The following NCAPG2 variants were observed in gnomAD, a reference collection of about 807,000 sequenced individuals.
The protein encoded by NCAPG2 is non-SMC condensin II complex subunit G2.
In NCAPG2, 53 loss-of-function variants were observed where a neutral mutation model predicts 141.1. The ratio of observed to expected loss-of-function variants is 0.38; its 90% CI spans 0.30 to 0.47. NCAPG2 has a LOEUF of 0.47. NCAPG2 is among the 20% of genes least tolerant of loss of function. The pLI, the probability that NCAPG2 is intolerant of heterozygous loss-of-function variation, is 0.99. For synonymous variants in NCAPG2, 499 were observed against 490.7 expected, an observed-to-expected ratio of 1.02 and a Z score of -0.22; for missense variants, 1,087 against 1,389.0, an observed-to-expected ratio of 0.78 and a Z score of 3.46.
intron 21 of NCAPG2, 148 bp downstream of exon 21, chr7:158,654,970 A>G: frequency 8.2e-7 from 1 of 1,217,028 alleles, no homozygotes; most frequent in South Asian, 1.6e-5. Context: ...CTTTGCAAAA[A>G]GATAAACTAG....
intron 22 of NCAPG2, among the ~76,000 whole-genome samples, chr7:158,653,481 G>A (rs1831654001): frequency 1.3e-5 from 2 of 151,966 alleles, no homozygotes; most frequent in African/African-American, 4.8e-5. Flanking sequence ...AACAAATGAT[G>A]GATGATTTTG....
At chr7:158,667,392 GGGTCCCTCCGCCCT>G in intron 13 of NCAPG2, among the ~76,000 whole-genome samples, 1 of 55,938 alleles carries the variant, frequency 1.8e-5, no homozygotes, top group African/African-American at 5.9e-5. Flanking sequence ...ACCCACTACT[GGGTCCCTCCGCCCT>G]CCTTACCCAC....
chr7:158,660,333 T>TA (rs1832382711), intron 16 of NCAPG2, among the ~76,000 whole-genome samples: 1 of 151,250 alleles, frequency 6.6e-6, no homozygotes, highest in Non-Finnish European at 1.5e-5. Flanking sequence ...CCTGGTGTCC[T>TA]ATATGGGCTT....
chr7:158,641,896 G>A (rs1039378180), intron 27 of NCAPG2, among the ~76,000 whole-genome samples: 35 of 152,130 alleles, frequency 2.3e-4, no homozygotes, highest in African/African-American at 8.5e-4. Flanking sequence ...ATTGTCAATT[G>A]GATATAATGG....
At chr7:158,695,774 A>G (rs1484486252) in intron 2 of NCAPG2, among the ~76,000 whole-genome samples, 1 of 152,262 alleles carries the variant, frequency 6.6e-6, no homozygotes, top group African/African-American at 2.4e-5. Flanking sequence ...GGGCAACACA[A>G]AAGCCCAGCA....
chr7:158,665,504 C>G (rs556487926), intron 13 of NCAPG2: 1 of 152,214 alleles, frequency 6.6e-6, no homozygotes, highest in African/African-American at 2.4e-5. Context: ...GCATGGTGAG[C>G]GAAACCCTCG....
chr7:158,664,933 A>G (rs1202062170), intron 13 of NCAPG2, 183 bp from the exon 14 acceptor site: 4 of 579,454 alleles, frequency 6.9e-6, no homozygotes, highest in Non-Finnish European at 1.2e-5. Flanking sequence ...TAATAAATCT[A>G]TATTTTTAAA....
chr7:158,651,280 T>C (rs189297749), intron 23 of NCAPG2, among the ~76,000 whole-genome samples: 82 of 152,196 alleles, frequency 5.4e-4, no homozygotes, highest in African/African-American at 2.0e-3. Flanking sequence ...ATCAATACAT[T>C]AAAATAAGGC....
intron 6 of NCAPG2, 117 bp from the exon 7 acceptor site, chr7:158,687,559 A>G: frequency 2.8e-6 from 2 of 720,366 alleles, no homozygotes; most frequent in Non-Finnish European, 4.5e-6. Flanking sequence ...AACGAGGCAC[A>G]TGTAATTATC....
At position 158,656,666 on chromosome 7, in the gene NCAPG2, G is replaced by C; in HGVS notation, c.2100C>G (p.Gly700=). The C allele has an allele frequency of 2.5e-6, 4 of 1,614,064 alleles. No homozygotes were observed. Among genetic ancestry groups the C allele is most frequent in the Non-Finnish European group, 3.4e-6 (4 of 1,180,024 alleles). The change falls in exon 18 of 28, where the codon GGC becomes GGG. Residue 700 remains glycine, a synonymous_variant. Transcript: ENST00000356309. ...VISTLRSREE[G]AVDKSYCTLL... ...AAGTGCAGTAGCTCTTGTCCACAGC[G>C]CCCTCCTCCCGGCTTCTCAGCGTGG...
chr7:158,662,473 C>G lies in NCAPG2; in HGVS notation c.1816-106G>C, dbSNP rs552980828. 31 of 1,019,470 alleles carry G rather than the reference C, an allele frequency of 3.0e-5. 1 individual carries two copies. In the South Asian group the frequency reaches 4.4e-4, roughly 14 times the overall value. The allele number at this position is 1,019,470 out of a possible 1,614,324, so 63.2% of individuals were successfully genotyped here. A position where few individuals can be genotyped will look rare whatever the true frequency, so the allele number is the denominator to read the frequency against. ...CTAAAGCAAAAATGTAGAGAACATCCGTCTTACTTTCACGTCTTCTACTCT... is the reference window on the plus strand; with the variant it reads ...CTAAAGCAAAAATGTAGAGAACATCGGTCTTACTTTCACGTCTTCTACTCT... On this transcript the variant is annotated intron_variant, in intron 15 of 27. Coordinates refer to ENST00000356309, the MANE Select transcript of NCAPG2 (RefSeq NM_017760.7).
Position 158,701,889 on chromosome 7 carries a change from C to T in NCAPG2, c.11G>A (p.Arg4His), listed in dbSNP as rs905679565. 3 of 1,613,120 alleles carry T rather than the reference C, an allele frequency of 1.9e-6. No homozygotes were observed. The highest frequency in any genetic ancestry group is 1.3e-5 in the African/African-American group (1 of 74,874). MEKRETFVQAVSKE... is the reference protein window; with the variant it reads MEKHETFVQAVSKE... ...AGACACGGCTTGTACAAACGTCTCACGTTTTTCCATGACAGATGGCACTGT... is the reference window on the plus strand; with the variant it reads ...AGACACGGCTTGTACAAACGTCTCATGTTTTTCCATGACAGATGGCACTGT... The change falls in exon 2 of 28, where the codon CGT becomes CAT. Residue 4 changes from arginine (R) to histidine (H), a missense_variant. Arg to His is a conservative substitution (Grantham distance 29). Transcript: ENST00000356309.
At chr7:158,651,910 T>C (rs1027714490) in intron 23 of NCAPG2, among the ~76,000 whole-genome samples, 2 of 152,222 alleles carry the variant, frequency 1.3e-5, no homozygotes, top group Non-Finnish European at 2.9e-5. Context: ...GTATATTTTA[T>C]TTGGAAAACT....
At chr7:158,685,652 G>GA (rs1215235462) in intron 8 of NCAPG2, among the ~76,000 whole-genome samples, 5 of 151,408 alleles carry the variant, frequency 3.3e-5, no homozygotes, top group African/African-American at 9.7e-5. Flanking sequence ...TGATGACAAG[G>GA]AAAAAAAAGT....
chr7:158,688,074 C>A (rs183988464), intron 6 of NCAPG2, among the ~76,000 whole-genome samples: 73 of 152,106 alleles, frequency 4.8e-4, no homozygotes, highest in Middle Eastern at 3.4e-3. Flanking sequence ...GTGAATAGCA[C>A]CTTCATCTCT....
At chr7:158,637,509 C>T (rs983473802) in intron 27 of NCAPG2, among the ~76,000 whole-genome samples, 1 of 1,454 alleles carries the variant, frequency 6.9e-4, no homozygotes, top group Non-Finnish European at 1.6e-3. Flanking sequence ...ACCCCACAAG[C>T]CCCCACCCCA....
intron 12 of NCAPG2, among the ~76,000 whole-genome samples, chr7:158,672,724 T>C (rs1226183469): frequency 1.3e-5 from 2 of 152,102 alleles, no homozygotes; most frequent in Admixed American, 6.5e-5. Flanking sequence ...GGCAGACTGA[T>C]TTGAATCATC....
chr7:158,692,907 G>A lies in NCAPG2; in HGVS notation c.317C>T (p.Ser106Phe), dbSNP rs780885008. The A allele has an allele frequency of 6.3e-7, 1 of 1,595,132 alleles. No homozygotes were observed. Among genetic ancestry groups the A allele is most frequent in the South Asian group, 1.1e-5 (1 of 88,834 alleles). The stretch of plus-strand genomic sequence containing the variant: ...CTCACTTTCATTTATTACAGACACA[G>A]AAGCAAGAATCACAGATGTAATTGC... ...IYAITSVILA[S>F]VSVINESENY... Residue 106 changes from serine (S) to phenylalanine (F), a missense_variant, in exon 4 of 28, where the codon TCT becomes TTT. Coordinates refer to ENST00000356309, the MANE Select transcript of NCAPG2 (RefSeq NM_017760.7).
chr7:158,676,217 A>G (rs2129466352), intron 11 of NCAPG2, among the ~76,000 whole-genome samples: 1 of 152,356 alleles, frequency 6.6e-6, no homozygotes, highest in South Asian at 2.1e-4. Flanking sequence ...AATTTATAGG[A>G]AACACAAAGG....
Sources: allele counts gnomAD v4.1 joint callset (sites outside exome capture counted in the v4.1 genomes callset), GRCh38; gene constraint gnomAD v4.1.1; transcripts MANE v1.5; gene names NCBI Gene and HGNC (gene_info 2026-07-23, HGNC 2026-07-21).